Variants in PCDH15 observed in about 807,000 individuals in gnomAD.
The protein encoded by PCDH15 is protocadherin-15.
Under a neutral mutation model 178.5 loss-of-function variants are expected in PCDH15, and 129 were observed. The observed-to-expected ratio is 0.72, with a 90% CI of 0.63 to 0.84. PCDH15 has a LOEUF of 0.84. Ranked by LOEUF, PCDH15 falls within the 40% of genes least tolerant of loss-of-function variation. The pLI, the probability that PCDH15 is intolerant of heterozygous loss-of-function variation, is 0.00. For synonymous variants in PCDH15, 800 were observed against 732.0 expected, an observed-to-expected ratio of 1.09 and a Z score of -1.50; for missense variants, 2,230 against 2,099.9, an observed-to-expected ratio of 1.06 and a Z score of -1.21.
intron 3 of PCDH15, among the ~76,000 whole-genome samples, chr10:54,423,156 G>C (rs1955769090): frequency 6.6e-6 from 1 of 151,888 alleles, no homozygotes; most frequent in Non-Finnish European, 1.5e-5. Flanking sequence ...TTGATATTTA[G>C]TTATTCACCA....
At chr10:54,140,472 C>A (rs956401219) in intron 14 of PCDH15, among the ~76,000 whole-genome samples, 1 of 144,930 alleles carries the variant, frequency 6.9e-6, no homozygotes. Context: ...TTTATTTCTG[C>A]TTTTTTTTTT....
intron 2 of PCDH15, among the ~76,000 whole-genome samples, chr10:54,931,481 C>T (rs1837774508): frequency 6.6e-6 from 1 of 152,070 alleles, no homozygotes; most frequent in South Asian, 2.1e-4. Context: ...GGTATAAGCC[C>T]ATTTAATTCC....
chr10:55,029,349 A>AT (rs1840554270), intron 2 of PCDH15, among the ~76,000 whole-genome samples: 3 of 151,944 alleles, frequency 2.0e-5, no homozygotes, highest in African/African-American at 4.8e-5. Flanking sequence ...TATATATATA[A>AT]ATACAATTGT....
intron 2 of PCDH15, among the ~76,000 whole-genome samples, chr10:54,914,019 G>A (rs1564626024): frequency 6.6e-6 from 1 of 152,112 alleles, no homozygotes; most frequent in Non-Finnish European, 1.5e-5. Context: ...TTTAGACTGT[G>A]AACTTTTGAG....
intron 2 of PCDH15, among the ~76,000 whole-genome samples, chr10:55,361,846 C>A (rs1300527994): frequency 6.6e-6 from 1 of 151,970 alleles, no homozygotes; most frequent in Admixed American, 6.6e-5. Flanking sequence ...TACAGGTTTT[C>A]ATTTATTATT....
intron 2 of PCDH15, among the ~76,000 whole-genome samples, chr10:55,549,681 T>C (rs1490893827): frequency 6.6e-6 from 1 of 152,148 alleles, no homozygotes; most frequent in Non-Finnish European, 1.5e-5. Flanking sequence ...CTTTTCAATG[T>C]TTCTCCTAAT....
intron 1 of PCDH15, among the ~76,000 whole-genome samples, chr10:55,280,250 G>A (rs77145604): frequency 1.3e-5 from 2 of 149,554 alleles, no homozygotes; most frequent in African/African-American, 2.5e-5. Flanking sequence ...GCTATGGAAA[G>A]GATGGGGTTA....
At chr10:54,373,731 C>A (rs1948018185) in intron 4 of PCDH15, among the ~76,000 whole-genome samples, 1 of 151,886 alleles carries the variant, frequency 6.6e-6, no homozygotes. Context: ...TAAATAAAGT[C>A]AGTCAAAAAT....
intron 3 of PCDH15, among the ~76,000 whole-genome samples, chr10:54,878,364 A>C (rs1367265433): frequency 6.6e-6 from 1 of 152,152 alleles, no homozygotes; most frequent in African/African-American, 2.4e-5. Context: ...TCATGTGTAC[A>C]TAGTACTTTT....
rs2093406914 is a variant in PCDH15, at chr10:54,622,653, A to AAT, written c.91+41518_91+41519insAT. 4.3e-5 allele frequency among the ~76,000 whole-genome samples: 4 copies of AAT among 93,746 alleles called. No homozygotes were observed. In the East Asian group the frequency reaches 1.1e-3, roughly 26 times the overall value. The allele number at this position is 93,746 out of a possible 152,430, so 61.5% of individuals were successfully genotyped here. A position where few individuals can be genotyped will look rare whatever the true frequency, so the allele number is the denominator to read the frequency against. On this transcript the variant is annotated intron_variant, in intron 2 of 37. Coordinates refer to ENST00000644397, the MANE Select transcript of PCDH15 (RefSeq NM_001384140.1). ...ATATATATTATATAATTATATATAT[A>AAT]CTATATAATATATATTATATATAAT... is the stretch of plus-strand genomic sequence containing the variant.
At position 54,227,677 on chromosome 10, in the gene PCDH15, G is replaced by A. The variant is rs138730567; in HGVS notation, c.985+9146C>T. On this transcript the variant is annotated intron_variant, in intron 9 of 37. Coordinates refer to ENST00000644397, the MANE Select transcript of PCDH15 (RefSeq NM_001384140.1). ...ATTTTCTTTTCTATCAAATTATCAG[G>A]CTGTAAATATTCTGAACTTTTATGC... 2.6e-5 allele frequency among the ~76,000 whole-genome samples: 4 copies of A among 152,258 alleles called. No individual in the cohort carries two copies. The East Asian group carries it at 5.8e-4, about 22-fold the overall frequency.
chr10:54,270,749 G>A (rs2057995959), intron 8 of PCDH15, among the ~76,000 whole-genome samples: 1 of 152,072 alleles, frequency 6.6e-6, no homozygotes, highest in Non-Finnish European at 1.5e-5. Flanking sequence ...CTCCTCCTAA[G>A]ATTTATTCAC....
intron 10 of PCDH15, among the ~76,000 whole-genome samples, chr10:54,199,317 A>G (rs1409200654): frequency 2.6e-5 from 4 of 152,080 alleles, no homozygotes; most frequent in African/African-American, 4.8e-5. Flanking sequence ...ACTGATGGAA[A>G]AAAAGAAAGG....
intron 4 of PCDH15, among the ~76,000 whole-genome samples, chr10:54,375,398 A>G (rs1247086711): frequency 6.6e-6 from 1 of 152,120 alleles, no homozygotes; most frequent in African/African-American, 2.4e-5. Flanking sequence ...ACTAGAGACC[A>G]TATGGTCCAA....
At chr10:54,683,021 C>T (rs1357072190) in intron 1 of PCDH15, among the ~76,000 whole-genome samples, 2 of 151,978 alleles carry the variant, frequency 1.3e-5, no homozygotes, top group Non-Finnish European at 2.9e-5. Flanking sequence ...ATACATGCAG[C>T]CTCTGAATCT....
chr10:54,133,852 T>C (rs958848909), intron 14 of PCDH15, among the ~76,000 whole-genome samples: 1 of 97,810 alleles, frequency 1.0e-5, no homozygotes, highest in Non-Finnish European at 1.9e-5. Context: ...CATATATATG[T>C]ATACATACAC....
chr10:54,839,385 A>G (rs955574313), intron 3 of PCDH15, among the ~76,000 whole-genome samples: 1 of 152,134 alleles, frequency 6.6e-6, no homozygotes, highest in Admixed American at 6.6e-5. Flanking sequence ...AAGAATTGAA[A>G]ACAAGTAATG....
At chr10:53,808,328 G>GTATATATATATATATATATATA (rs780455021) in intron 37 of PCDH15, 1 of 309,870 alleles carries the variant, frequency 3.2e-6, no homozygotes, top group African/African-American at 2.7e-5. Flanking sequence ...TAGTGTGTGT[G>GTATATATATATATATATATATA]TGTATATATA....
intron 4 of PCDH15, among the ~76,000 whole-genome samples, chr10:54,375,904 T>G: frequency 6.7e-6 from 1 of 148,534 alleles, no homozygotes. Context: ...TATAATTTTT[T>G]TTCTTTTTGA....
Sources: allele counts gnomAD v4.1 joint callset (sites outside exome capture counted in the v4.1 genomes callset), GRCh38; gene constraint gnomAD v4.1.1; transcripts MANE v1.5; gene names NCBI Gene and HGNC (gene_info 2026-07-23, HGNC 2026-07-21).